Variants in DOCK4 observed in about 807,000 individuals in gnomAD.
The protein encoded by DOCK4 is dedicator of cytokinesis protein 4.
In DOCK4, 97 loss-of-function variants were observed where a neutral mutation model predicts 268.1. The observed-to-expected ratio is 0.36, with a 90% confidence interval of 0.31 to 0.43. The LOEUF (loss-of-function observed/expected upper bound fraction) is 0.43, where lower values mean the gene tolerates loss of function less well. Ranked by LOEUF, DOCK4 falls within the 20% of genes least tolerant of loss-of-function variation. The pLI, the probability that DOCK4 is intolerant of heterozygous loss-of-function variation, is 1.00. For synonymous variants in DOCK4, 954 were observed against 887.2 expected (o/e 1.08, Z -1.34); for missense variants, 2,145 against 2,455.7 (o/e 0.87, Z 2.67).
At chr7:112,094,832 T>C (rs1043059804) in intron 1 of DOCK4, among the ~76,000 whole-genome samples, 1 of 152,052 alleles carries the variant, frequency 6.6e-6, no homozygotes, top group Non-Finnish European at 1.5e-5. Flanking sequence ...CGTTTAAAAA[T>C]GTATGGTACC....
At chr7:112,080,716 G>A (rs1345612045) in intron 1 of DOCK4, among the ~76,000 whole-genome samples, 3 of 152,124 alleles carry the variant, frequency 2.0e-5, no homozygotes, top group Non-Finnish European at 4.4e-5. Context: ...CAGCTCCTTC[G>A]TTCAACGCAT....
intron 1 of DOCK4, among the ~76,000 whole-genome samples, chr7:112,199,089 C>T (rs1587040361): frequency 2.6e-5 from 4 of 152,164 alleles, no homozygotes; most frequent in South Asian, 2.1e-4. Context: ...GGTAACATGG[C>T]GTAATGGCTA....
At chr7:111,840,972 T>C in intron 25 of DOCK4, 1 of 531,840 alleles carries the variant, frequency 1.9e-6, no homozygotes, top group South Asian at 1.7e-5. Context: ...AGAATTATTA[T>C]AACAACAACA....
intron 1 of DOCK4, among the ~76,000 whole-genome samples, chr7:112,189,758 T>TG (rs1434606906): frequency 6.8e-5 from 10 of 146,498 alleles, no homozygotes; most frequent in South Asian, 2.2e-4. Context: ...TTTTTTTTTT[T>TG]TTTTTTTTTG....
In DOCK4 at chr7:112,012,797, T is replaced by C. The variant is rs76007936; in HGVS notation, c.38-8666A>G. ...ACTTTTTGTTACTTTTAGTTTTTTT[T>C]TATAAGAGAAAAGAAATGTTATATC... On this transcript the variant is annotated intron_variant, in intron 1 of 52. Coordinates refer to ENST00000428084, the MANE Select transcript of DOCK4 (RefSeq NM_001363540.2). Among the ~76,000 whole-genome samples, 435 of 152,336 alleles carry C rather than the reference T, an allele frequency of 2.9e-3. 3 individuals are homozygous for C. Among genetic ancestry groups the C allele is most frequent in the African/African-American group, 0.01 (418 of 41,570 alleles).
intron 4 of DOCK4, among the ~76,000 whole-genome samples, chr7:111,997,605 C>T (rs181912566): frequency 6.6e-6 from 1 of 152,246 alleles, no homozygotes; most frequent in African/African-American, 2.4e-5. Context: ...TTGGAAAATG[C>T]CATTACTATG....
intron 1 of DOCK4, among the ~76,000 whole-genome samples, chr7:112,135,705 A>C (rs1586897335): frequency 1.3e-5 from 2 of 148,364 alleles, no homozygotes; most frequent in African/African-American, 2.6e-5. Flanking sequence ...GAAAAAAAAA[A>C]GGTAACCAAT....
chr7:112,013,174 A>AT (rs1275804276), intron 1 of DOCK4, among the ~76,000 whole-genome samples: 5 of 152,004 alleles, frequency 3.3e-5, no homozygotes, highest in East Asian at 1.9e-4. Context: ...TATTTTTCTG[A>AT]TTTTTTCTTC....
At chr7:111,741,725 C>G (rs1348278622) in intron 45 of DOCK4, 64 bp from the exon 46 acceptor site, 3 of 1,572,876 alleles carry the variant, frequency 1.9e-6, no homozygotes. Context: ...ACTTATGAGA[C>G]AGGTTAGCAT....
chr7:111,872,197 T>C, intron 19 of DOCK4, 72 bp downstream of exon 19: 1 of 1,377,764 alleles, frequency 7.3e-7, no homozygotes, highest in Non-Finnish European at 9.8e-7. Context: ...CACATGTTTC[T>C]GAACCAGCCT....
intron 11 of DOCK4, among the ~76,000 whole-genome samples, chr7:111,936,332 A>G (rs1794732278): frequency 6.6e-6 from 1 of 152,192 alleles, no homozygotes; most frequent in South Asian, 2.1e-4. Context: ...CTTAGCTTTT[A>G]TCACTCATTA....
At chr7:112,165,193 G>T (rs925531160) in intron 1 of DOCK4, among the ~76,000 whole-genome samples, 2 of 152,122 alleles carry the variant, frequency 1.3e-5, no homozygotes, top group African/African-American at 4.8e-5. Flanking sequence ...CCCGTCACCA[G>T]AGCACAGTAC....
At chr7:112,080,256 C>G (rs1299367275) in intron 1 of DOCK4, among the ~76,000 whole-genome samples, 1 of 151,960 alleles carries the variant, frequency 6.6e-6, no homozygotes, top group South Asian at 2.1e-4. Context: ...ATATATATGT[C>G]ATAAACATTT....
intron 36 of DOCK4, among the ~76,000 whole-genome samples, chr7:111,770,223 CAAAAAAAA>C (rs756689437): frequency 5.8e-5 from 4 of 69,556 alleles, no homozygotes; most frequent in African/African-American, 1.7e-4. Context: ...GAGTGAAGAC[CAAAAAAAA>C]AAAAAAAAAG....
At position 111,846,918 on chromosome 7, in the gene DOCK4, C is replaced by T. The variant is rs769587028; in HGVS notation, c.2601+81G>A. On this transcript the variant is annotated intron_variant, in intron 24 of 52. Coordinates refer to ENST00000428084, the MANE Select transcript of DOCK4 (RefSeq NM_001363540.2). ...GGTCTCAGAGGCTTCCTCTTTAGTG[C>T]GGTTTCTTTGTAGACTATTACAAGT... 52 of 1,448,894 alleles carry T rather than the reference C, an allele frequency of 3.6e-5. No individual in the cohort carries two copies. The African/African-American group carries it at 5.1e-4, about 14-fold the overall frequency. 89.8% of individuals were successfully genotyped at this position (1,448,894 alleles called of 1,614,324 possible).
chr7:112,140,082 AC>A (rs1260009821), intron 1 of DOCK4, among the ~76,000 whole-genome samples: 1 of 152,212 alleles, frequency 6.6e-6, no homozygotes, highest in Non-Finnish European at 1.5e-5. Context: ...AGATGGAACA[AC>A]ACAGGTCCCA....
chr7:111,940,798 A>G (rs1462940758), intron 10 of DOCK4, among the ~76,000 whole-genome samples: 2 of 152,224 alleles, frequency 1.3e-5, no homozygotes, highest in East Asian at 3.9e-4. Context: ...TTAAATTGTT[A>G]CATGTTTAAA....
intron 16 of DOCK4, among the ~76,000 whole-genome samples, chr7:111,891,969 G>T (rs527712061): frequency 3.9e-5 from 6 of 152,198 alleles, no homozygotes; most frequent in African/African-American, 1.2e-4. Context: ...TACCTATGGG[G>T]TTATAAAGCA....
intron 8 of DOCK4, among the ~76,000 whole-genome samples, chr7:111,963,152 A>C (rs564464565): frequency 1.4e-3 from 213 of 152,370 alleles, no homozygotes; most frequent in African/African-American, 4.9e-3. Context: ...GTCAACCAGT[A>C]AACAGCTTTG....
Sources: allele counts gnomAD v4.1 joint callset (sites outside exome capture counted in the v4.1 genomes callset), GRCh38; gene constraint gnomAD v4.1.1; transcripts MANE v1.5; gene names NCBI Gene and HGNC (gene_info 2026-07-23, HGNC 2026-07-21).